The following DPP6 variants were observed in gnomAD, a reference collection of about 807,000 sequenced individuals.
DPP6 encodes A-type potassium channel modulatory protein DPP6.
Under a neutral mutation model 122.6 loss-of-function variants are expected in DPP6, and 69 were observed. The observed-to-expected ratio is 0.56, with a 90% CI of 0.46 to 0.69. The LOEUF is 0.69. Ranked by LOEUF, DPP6 falls within the 30% of genes least tolerant of loss-of-function variation. DPP6 has a pLI of 0.00. For missense variants in DPP6, 928 were observed against 1,116.9 expected (o/e 0.83, Z 2.41); for synonymous variants, 418 against 433.1 (o/e 0.97, Z 0.43).
chr7:154,257,982 A>C (rs1238317974), intron 1 of DPP6, among the ~76,000 whole-genome samples: 2 of 152,130 alleles, frequency 1.3e-5, no homozygotes, highest in African/African-American at 4.8e-5. Context: ...CAAAGGGCAA[A>C]CCACTTGACA....
chr7:154,398,628 C>G (rs1262007650), intron 1 of DPP6, among the ~76,000 whole-genome samples: 1 of 152,106 alleles, frequency 6.6e-6, no homozygotes, highest in East Asian at 1.9e-4. Flanking sequence ...CTCTCTCTCT[C>G]TCCTGGTTAT....
chr7:154,186,318 C>T (rs943710693), intron 1 of DPP6, among the ~76,000 whole-genome samples: 3 of 152,228 alleles, frequency 2.0e-5, no homozygotes, highest in African/African-American at 7.2e-5. Context: ...TTAATGACAT[C>T]AGTTGTGATG....
intron 13 of DPP6, 138 bp downstream of exon 13, chr7:154,801,600 G>A (rs1798371422): frequency 7.9e-7 from 1 of 1,266,540 alleles, no homozygotes; most frequent in Non-Finnish European, 1.1e-6. Context: ...GGCAGGGCAG[G>A]GCATGGCGCT....
intron 1 of DPP6, among the ~76,000 whole-genome samples, chr7:154,166,815 G>A (rs1215751382): frequency 6.7e-6 from 1 of 149,084 alleles, no homozygotes; most frequent in Non-Finnish European, 1.5e-5. Flanking sequence ...GGAGGCTGAG[G>A]CAGAAGAATT....
chr7:153,874,371 GTTATTA>G, the DPP6 span, among the ~76,000 whole-genome samples: 1 of 151,992 alleles, frequency 6.6e-6, no homozygotes, highest in African/African-American at 2.4e-5. Context: ...AAAATACAGA[GTTATTA>G]TTATTTATTT....
At chr7:154,873,485 G>A (rs1804561774) in intron 19 of DPP6, among the ~76,000 whole-genome samples, 1 of 152,190 alleles carries the variant, frequency 6.6e-6, no homozygotes, top group Non-Finnish European at 1.5e-5. Context: ...ATGCTGGGCT[G>A]TGTTAAGGAT....
chr7:154,161,204 A>G (rs1467687687), intron 1 of DPP6, among the ~76,000 whole-genome samples: 1 of 152,402 alleles, frequency 6.6e-6, no homozygotes, highest in Non-Finnish European at 1.5e-5. Flanking sequence ...TGTTTAGGGT[A>G]ACATGATTGC....
intron 1 of DPP6, among the ~76,000 whole-genome samples, chr7:154,066,251 G>A (rs557957727): frequency 6.6e-6 from 1 of 152,058 alleles, no homozygotes; most frequent in East Asian, 1.9e-4. Context: ...GTAGAGATGG[G>A]GTTTCACTAT....
At chr7:154,537,688 C>CA (rs1192220490) in intron 3 of DPP6, among the ~76,000 whole-genome samples, 1 of 122,112 alleles carries the variant, frequency 8.2e-6, no homozygotes, top group African/African-American at 3.1e-5. Flanking sequence ...GAAACTCCGT[C>CA]AAAAAAATAA....
At chr7:153,754,584 A>G in the DPP6 span, among the ~76,000 whole-genome samples, 1 of 152,210 alleles carries the variant, frequency 6.6e-6, no homozygotes, top group Admixed American at 6.5e-5. Flanking sequence ...TAAATGCACC[A>G]TCTTTGGGAA....
intron 1 of DPP6, among the ~76,000 whole-genome samples, chr7:154,333,357 T>C (rs1232858380): frequency 6.6e-6 from 1 of 152,180 alleles, no homozygotes; most frequent in Non-Finnish European, 1.5e-5. Context: ...CCTGAAAATG[T>C]TCCCAATTTT....
chr7:154,790,602 G>A (rs1013918461), intron 10 of DPP6, among the ~76,000 whole-genome samples: 3 of 151,978 alleles, frequency 2.0e-5, no homozygotes, highest in Non-Finnish European at 4.4e-5. Flanking sequence ...TTACACAAAT[G>A]AAGAAACTGA....
intron 1 of DPP6, among the ~76,000 whole-genome samples, chr7:153,926,025 C>T (rs192054366): frequency 2.0e-4 from 30 of 152,224 alleles, no homozygotes; most frequent in South Asian, 6.2e-4. Flanking sequence ...TCCTCACACC[C>T]GTTAGGGAAC....
At chr7:154,435,522 A>G (rs1421806736) in intron 1 of DPP6, among the ~76,000 whole-genome samples, 1 of 152,228 alleles carries the variant, frequency 6.6e-6, no homozygotes, top group Non-Finnish European at 1.5e-5. Flanking sequence ...CTTTGTGGAA[A>G]GAGAAGAGCC....
At chr7:154,317,941 T>C (rs1807577419) in intron 1 of DPP6, among the ~76,000 whole-genome samples, 1 of 152,218 alleles carries the variant, frequency 6.6e-6, no homozygotes, top group South Asian at 2.1e-4. Flanking sequence ...ATGGCTTGAA[T>C]GACATATTCT....
intron 1 of DPP6, among the ~76,000 whole-genome samples, chr7:153,931,944 G>C (rs144292678): frequency 5.5e-4 from 83 of 152,290 alleles, no homozygotes; most frequent in Non-Finnish European, 1.0e-3. Context: ...TGGCAGAACA[G>C]TTGTTTTCTA....
chr7:154,440,444 A>G (rs776519269), intron 1 of DPP6, among the ~76,000 whole-genome samples: 1 of 152,222 alleles, frequency 6.6e-6, no homozygotes, highest in Non-Finnish European at 1.5e-5. Context: ...CCTGCTAAGT[A>G]CATGCAATGC....
intron 6 of DPP6, among the ~76,000 whole-genome samples, chr7:154,642,522 G>A (rs572488325): frequency 1.2e-4 from 18 of 152,216 alleles, no homozygotes; most frequent in South Asian, 2.1e-4. Flanking sequence ...CCCAAGAGGC[G>A]GAGGTTGCAG....
At chr7:154,886,734 A>G (rs1258593981) in intron 22 of DPP6, among the ~76,000 whole-genome samples, 1 of 152,152 alleles carries the variant, frequency 6.6e-6, no homozygotes, top group African/African-American at 2.4e-5. Flanking sequence ...GAACGAGTCC[A>G]GCCCCCATTG....
Sources: allele counts gnomAD v4.1 joint callset (sites outside exome capture counted in the v4.1 genomes callset), GRCh38; gene constraint gnomAD v4.1.1; transcripts MANE v1.5; gene names NCBI Gene and HGNC (gene_info 2026-07-23, HGNC 2026-07-21).